Variants in FGGY observed in about 807,000 individuals in gnomAD.
FGGY encodes the protein FGGY carbohydrate kinase domain containing, also known as FGGY carbohydrate kinase domain-containing protein.
Under a neutral mutation model 71.3 loss-of-function variants are expected in FGGY, and 72 were observed. The ratio of observed to expected loss-of-function variants is 1.01; its 90% CI spans 0.84 to 1.23. The LOEUF (loss-of-function observed/expected upper bound fraction) is 1.23. Ranked by LOEUF, FGGY falls within the 50% of genes most tolerant of loss-of-function variation. The probability of loss-of-function intolerance (pLI) is 0.00; values close to 1 mark genes in which losing one functional copy is unlikely to be tolerated. For missense variants in FGGY, 668 were observed against 682.3 expected, an observed-to-expected ratio of 0.98 and a Z score of 0.23; for synonymous variants, 251 against 250.3, an observed-to-expected ratio of 1.00 and a Z score of -0.02.
intron 14 of FGGY, among the ~76,000 whole-genome samples, chr1:59,741,590 G>A (rs928562317): frequency 2.0e-5 from 3 of 151,628 alleles, no homozygotes; most frequent in Non-Finnish European, 4.4e-5. Context: ...GATTGCTTGA[G>A]GCCAGAAATT....
Position 59,590,783 on chromosome 1 carries a change from G to A in FGGY, c.904-17020G>A, listed in dbSNP as rs141014813. On this transcript the variant is annotated intron_variant, in intron 8 of 15. Coordinates refer to ENST00000303721, the MANE Select transcript of FGGY (RefSeq NM_018291.5). ...TCAATAAATTAGGTATTGATGGGACGTATCTCAAAATAATAAGAGCTATCT... is the reference window on the plus strand; with the variant it reads ...TCAATAAATTAGGTATTGATGGGACATATCTCAAAATAATAAGAGCTATCT... Among the ~76,000 whole-genome samples the A allele has an allele frequency of 1.1e-3, 174 of 152,220 alleles. 2 individuals carry two copies. In the East Asian group the frequency reaches 0.026, roughly 23 times the overall value.
At chr1:59,441,193 GTCTA>G (rs1557934574) in intron 5 of FGGY, among the ~76,000 whole-genome samples, 1 of 151,978 alleles carries the variant, frequency 6.6e-6, no homozygotes, top group Non-Finnish European at 1.5e-5. Context: ...TAGTACTCAC[GTCTA>G]TCTATCTGCA....
At chr1:59,440,855 G>A (rs958395673) in intron 5 of FGGY, among the ~76,000 whole-genome samples, 15 of 151,550 alleles carry the variant, frequency 9.9e-5, no homozygotes, top group East Asian at 3.9e-4. Context: ...TCAGGAGTGC[G>A]TTACCAAGTA....
intron 5 of FGGY, among the ~76,000 whole-genome samples, chr1:59,444,125 C>T (rs1293300893): frequency 2.0e-5 from 3 of 152,152 alleles, no homozygotes; most frequent in Non-Finnish European, 4.4e-5. Flanking sequence ...CATCACAAGG[C>T]AGCCCCATTT....
intron 8 of FGGY, among the ~76,000 whole-genome samples, chr1:59,591,041 C>T (rs2096424269): frequency 6.6e-6 from 1 of 152,154 alleles, no homozygotes; most frequent in Admixed American, 6.5e-5. Flanking sequence ...TAGAAAACCC[C>T]ATCGTCTCAG....
chr1:59,615,533 C>T (rs1049640537), intron 9 of FGGY, among the ~76,000 whole-genome samples: 10 of 152,076 alleles, frequency 6.6e-5, no homozygotes, highest in Non-Finnish European at 1.3e-4. Flanking sequence ...GACCTACAAC[C>T]ATAAAAACCC....
rs192966304 is a variant in FGGY, at chr1:59,670,792, G to A, written c.1418-3247G>A. On this transcript the variant is annotated intron_variant, in intron 13 of 15. Coordinates refer to ENST00000303721, the MANE Select transcript of FGGY (RefSeq NM_018291.5). ...GAACAGCCTGCTCTGTACAAGCAGG[G>A]AGAGCGGGGCCTTGCCAGCTTGGGA... Among the ~76,000 whole-genome samples the A allele has an allele frequency of 4.6e-5, 7 of 152,324 alleles. No individual in the cohort carries two copies. The East Asian group carries it at 1.4e-3, about 29-fold the overall frequency.
intron 11 of FGGY, chr1:59,641,171 T>C: frequency 1.4e-6 from 1 of 718,882 alleles, no homozygotes; most frequent in South Asian, 1.7e-5. Context: ...GAGCATGGCA[T>C]GTGAATGTCT....
chr1:59,734,227 A>G (rs917061611), intron 14 of FGGY, among the ~76,000 whole-genome samples: 7 of 152,220 alleles, frequency 4.6e-5, no homozygotes, highest in Non-Finnish European at 8.8e-5. Flanking sequence ...TTTCTGAGAC[A>G]GGGTCTTGCT....
chr1:59,397,340 A>G (rs1213156845), intron 5 of FGGY, among the ~76,000 whole-genome samples: 1 of 152,204 alleles, frequency 6.6e-6, no homozygotes, highest in Non-Finnish European at 1.5e-5. Context: ...ACGAGGTGGA[A>G]TATTAGTCTG....
At chr1:59,536,749 A>C (rs1459836907) in intron 7 of FGGY, among the ~76,000 whole-genome samples, 1 of 152,176 alleles carries the variant, frequency 6.6e-6, no homozygotes, top group East Asian at 1.9e-4. Context: ...AAAGACAAAA[A>C]CCACATGATT....
At chr1:59,325,739 C>CT (rs1237863568) in intron 2 of FGGY, among the ~76,000 whole-genome samples, 7 of 152,296 alleles carry the variant, frequency 4.6e-5, no homozygotes, top group Admixed American at 3.9e-4. Flanking sequence ...CATTCCTTAT[C>CT]TTGTTTCAGT....
At chr1:59,372,634 G>A (rs1420827908) in intron 4 of FGGY, among the ~76,000 whole-genome samples, 1 of 152,142 alleles carries the variant, frequency 6.6e-6, no homozygotes, top group Non-Finnish European at 1.5e-5. Context: ...CAATATCCTT[G>A]ATGAACATTG....
intron 7 of FGGY, among the ~76,000 whole-genome samples, chr1:59,550,525 T>G (rs1224509790): frequency 2.6e-5 from 4 of 152,182 alleles, no homozygotes; most frequent in African/African-American, 4.8e-5. Flanking sequence ...CTGCCCAATA[T>G]ATATAATTTT....
At chr1:59,682,555 C>A (rs1275885048) in intron 14 of FGGY, among the ~76,000 whole-genome samples, 1 of 152,160 alleles carries the variant, frequency 6.6e-6, no homozygotes, top group Non-Finnish European at 1.5e-5. Flanking sequence ...ACTGGATGCC[C>A]AGAACAGAGG....
At chr1:59,677,476 G>A (rs916647784) in intron 14 of FGGY, among the ~76,000 whole-genome samples, 1 of 152,196 alleles carries the variant, frequency 6.6e-6, no homozygotes, top group African/African-American at 2.4e-5. Context: ...TCCTTCAGAT[G>A]CTGGGAAGGC....
At chr1:59,331,463 C>T (rs1156229251) in intron 2 of FGGY, among the ~76,000 whole-genome samples, 2 of 152,056 alleles carry the variant, frequency 1.3e-5, no homozygotes, top group African/African-American at 2.4e-5. Flanking sequence ...AGGACCTCTG[C>T]GCTCGCTGTT....
intron 5 of FGGY, among the ~76,000 whole-genome samples, chr1:59,405,356 GT>G (rs1326523135): frequency 6.6e-6 from 1 of 152,128 alleles, no homozygotes; most frequent in Non-Finnish European, 1.5e-5. Context: ...CTGGTTGCAG[GT>G]TTTTCAATTC....
intron 8 of FGGY, among the ~76,000 whole-genome samples, chr1:59,582,714 G>A (rs745345321): frequency 6.7e-6 from 1 of 150,124 alleles, no homozygotes; most frequent in Non-Finnish European, 1.5e-5. Context: ...TGTGTTTGTT[G>A]TTAGTTAACT....
Sources: allele counts gnomAD v4.1 joint callset (sites outside exome capture counted in the v4.1 genomes callset), GRCh38; gene constraint gnomAD v4.1.1; transcripts MANE v1.5; gene names NCBI Gene and HGNC (gene_info 2026-07-23, HGNC 2026-07-21).